SLC24A2: variants seen among roughly 807,000 people sequenced by gnomAD.
The protein encoded by SLC24A2 is solute carrier family 24 member 2.
A neutral mutation model predicts 62.0 loss-of-function variants in SLC24A2; 36 were observed. The observed-to-expected ratio is 0.58, with a 90% CI of 0.44 to 0.77. The LOEUF is 0.77. Ranked by LOEUF, SLC24A2 falls within the 30% of genes least tolerant of loss-of-function variation. The probability of loss-of-function intolerance (pLI) is 0.00; values close to 1 mark genes in which losing one functional copy is unlikely to be tolerated. For missense variants in SLC24A2, 846 were observed against 817.9 expected (o/e 1.03, Z -0.42); for synonymous variants, 358 against 294.0 (o/e 1.22, Z -2.23).
intron 2 of SLC24A2, among the ~76,000 whole-genome samples, chr9:19,712,937 G>A (rs985097534): frequency 2.6e-5 from 4 of 152,130 alleles, no homozygotes; most frequent in Non-Finnish European, 5.9e-5. Flanking sequence ...TGTCCCTGGA[G>A]AGGCAAAGTC....
At chr9:19,918,297 T>A in the SLC24A2 span, among the ~76,000 whole-genome samples, 1 of 151,908 alleles carries the variant, frequency 6.6e-6, no homozygotes, top group South Asian at 2.1e-4. Flanking sequence ...ATTTAGCACT[T>A]CTCATTGTTA....
At chr9:20,162,660 G>T in the SLC24A2 span, among the ~76,000 whole-genome samples, 14 of 151,834 alleles carry the variant, frequency 9.2e-5, no homozygotes, top group Non-Finnish European at 1.8e-4. Flanking sequence ...TACCAAAGCT[G>T]GGCAGAGACA....
At chr9:19,754,646 A>ATTT (rs5896863) in intron 2 of SLC24A2, among the ~76,000 whole-genome samples, 1 of 143,734 alleles carries the variant, frequency 7.0e-6, no homozygotes, top group African/African-American at 2.6e-5. Context: ...TCATGGGAGG[A>ATTT]TTTTTTTTTT....
At chr9:19,559,980 C>G (rs1446461481) in intron 7 of SLC24A2, among the ~76,000 whole-genome samples, 1 of 152,138 alleles carries the variant, frequency 6.6e-6, no homozygotes, top group Non-Finnish European at 1.5e-5. Flanking sequence ...CACCTGACCT[C>G]ACAATCTCTA....
chr9:19,906,811 C>A, the SLC24A2 span, among the ~76,000 whole-genome samples: 8 of 152,212 alleles, frequency 5.3e-5, no homozygotes, highest in South Asian at 8.3e-4. Context: ...CAATAACAGG[C>A]TCTGAAATTG....
rs73428372 is a variant in SLC24A2 at position 19,653,155 on chromosome 9, A to G, written c.931-30856T>C. Among the ~76,000 whole-genome samples the G allele has an allele frequency of 6.9e-3, 1,049 of 152,312 alleles. 16 individuals carry two copies. The highest frequency in any genetic ancestry group is 0.024 in the African/African-American group (1,003 of 41,568). On this transcript the variant is annotated intron_variant, in intron 2 of 10. Coordinates refer to ENST00000341998, the MANE Select transcript of SLC24A2 (RefSeq NM_020344.4). ...TTGTAAGCCTGTTTCCCTTGAGGAC[A>G]GAGGCCTTTTACACTCAGGGCCAGT...
the SLC24A2 span, among the ~76,000 whole-genome samples, chr9:20,303,664 A>G: frequency 5.9e-5 from 9 of 152,152 alleles, no homozygotes; most frequent in Admixed American, 2.6e-4. Context: ...CTGCCCAATT[A>G]TTACCTCCTT....
the SLC24A2 span, among the ~76,000 whole-genome samples, chr9:20,027,791 C>G: frequency 2.6e-5 from 4 of 152,142 alleles, no homozygotes; most frequent in African/African-American, 9.7e-5. Context: ...AATATGCTCT[C>G]ACCACAGAAA....
At chr9:19,734,218 T>G (rs1053834837) in intron 2 of SLC24A2, among the ~76,000 whole-genome samples, 17 of 152,052 alleles carry the variant, frequency 1.1e-4, no homozygotes, top group East Asian at 5.8e-4. Flanking sequence ...TTATTTCTGA[T>G]GGCTCTGTTC....
intron 2 of SLC24A2, among the ~76,000 whole-genome samples, chr9:19,781,346 AG>A (rs1315846373): frequency 6.6e-6 from 1 of 152,052 alleles, no homozygotes; most frequent in African/African-American, 2.4e-5. Flanking sequence ...GGAGAGGAAA[AG>A]AAGGACAAAG....
chr9:20,232,166 T>C, the SLC24A2 span, among the ~76,000 whole-genome samples: 24 of 152,346 alleles, frequency 1.6e-4, no homozygotes, highest in Non-Finnish European at 2.8e-4. Context: ...TTTGCATCAA[T>C]GTTCATCAAG....
At chr9:19,916,125 A>C in the SLC24A2 span, among the ~76,000 whole-genome samples, 1 of 152,026 alleles carries the variant, frequency 6.6e-6, no homozygotes, top group South Asian at 2.1e-4. Flanking sequence ...TTTGCATGTG[A>C]ATATTCAGGT....
chr9:19,865,152 A>T, the SLC24A2 span, among the ~76,000 whole-genome samples: 1 of 152,092 alleles, frequency 6.6e-6, no homozygotes, highest in Non-Finnish European at 1.5e-5. Context: ...CTATAATGAA[A>T]ACTATAAATC....
chr9:19,894,778 A>AT, the SLC24A2 span, among the ~76,000 whole-genome samples: 1 of 152,172 alleles, frequency 6.6e-6, no homozygotes, highest in Middle Eastern at 3.2e-3. Context: ...CTCTCCATTT[A>AT]TTTTTGATAC....
intron 8 of SLC24A2, among the ~76,000 whole-genome samples, chr9:19,535,549 C>T (rs1306021093): frequency 6.6e-6 from 1 of 152,148 alleles, no homozygotes; most frequent in Non-Finnish European, 1.5e-5. Context: ...AGGAAAGGGT[C>T]CAGTTTAAGT....
intron 7 of SLC24A2, among the ~76,000 whole-genome samples, chr9:19,560,779 CTTAG>C (rs1340203985): frequency 6.6e-6 from 1 of 152,024 alleles, no homozygotes; most frequent in Non-Finnish European, 1.5e-5. Flanking sequence ...ATTGTGTTCA[CTTAG>C]TTTATTTTTA....
chr9:19,751,641 A>G (rs554702762), intron 2 of SLC24A2, among the ~76,000 whole-genome samples: 3 of 152,328 alleles, frequency 2.0e-5, no homozygotes, highest in Admixed American at 1.3e-4. Context: ...CATGGGGAGT[A>G]GAGAGTTCCA....
chr9:19,925,501 C>A, the SLC24A2 span, among the ~76,000 whole-genome samples: 2 of 152,154 alleles, frequency 1.3e-5, no homozygotes, highest in Non-Finnish European at 2.9e-5. Context: ...CACATTAGTT[C>A]TTGCTGCCAA....
chr9:19,948,851 A>G, the SLC24A2 span, among the ~76,000 whole-genome samples: 2 of 149,436 alleles, frequency 1.3e-5, no homozygotes, highest in African/African-American at 2.5e-5. Context: ...TCTCAAAAAA[A>G]AAAAAAAAAA....
Sources: gnomAD v4.1 joint callset for allele counts (sites outside exome capture counted in the v4.1 genomes callset) on GRCh38, gnomAD v4.1.1 for gene constraint, MANE v1.5 for transcripts, NCBI Gene and HGNC (gene_info 2026-07-23, HGNC 2026-07-21) for gene names.